Variants in PLXNA2 observed in about 807,000 individuals in gnomAD.
The protein encoded by PLXNA2 is plexin-A2.
PLXNA2 carries 91 observed loss-of-function variants against 193.5 expected under a neutral mutation model. That is an observed-to-expected ratio of 0.47 (90% CI 0.40 to 0.56). The LOEUF (loss-of-function observed/expected upper bound fraction) is 0.56. Among genes scored for constraint, PLXNA2 ranks in the 20% least tolerant of loss-of-function variants. The pLI is 0.00. For synonymous variants in PLXNA2, 997 were observed against 1,027.3 expected (o/e 0.97, Z 0.56); for missense variants, 1,995 against 2,503.2 (o/e 0.80, Z 4.33).
chr1:208,194,198 C>A (rs1204196898), intron 3 of PLXNA2, among the ~76,000 whole-genome samples: 4 of 151,828 alleles, frequency 2.6e-5, no homozygotes, highest in Non-Finnish European at 1.5e-5. Context: ...CTGTCTGCTA[C>A]TAGATGCAAA....
intron 26 of PLXNA2, among the ~76,000 whole-genome samples, chr1:208,035,033 T>C (rs552809800): frequency 1.3e-3 from 194 of 152,342 alleles, no homozygotes; most frequent in Non-Finnish European, 2.2e-3. Flanking sequence ...TTTACCTTTT[T>C]AATGTGACTA....
intron 9 of PLXNA2, among the ~76,000 whole-genome samples, chr1:208,090,732 C>A (rs1666679523): frequency 6.6e-6 from 1 of 152,184 alleles, no homozygotes; most frequent in South Asian, 2.1e-4. Context: ...TGTACTTCAT[C>A]CAATCTCTCT....
At chr1:208,149,965 G>C (rs1668710608) in intron 3 of PLXNA2, among the ~76,000 whole-genome samples, 1 of 152,166 alleles carries the variant, frequency 6.6e-6, no homozygotes, top group Admixed American at 6.5e-5. Context: ...AGCTTGCAGA[G>C]TCAAAACTCA....
chr1:208,086,867 T>C (rs1666541213), intron 9 of PLXNA2, among the ~76,000 whole-genome samples: 3 of 151,766 alleles, frequency 2.0e-5, no homozygotes, highest in Admixed American at 2.0e-4. Flanking sequence ...ACACTTCCTG[T>C]TAGCAGCTAA....
intron 26 of PLXNA2, among the ~76,000 whole-genome samples, chr1:208,036,373 C>T (rs185062300): frequency 2.0e-5 from 3 of 152,310 alleles, no homozygotes; most frequent in Admixed American, 6.5e-5. Context: ...CGCTCCTGTC[C>T]TTGGTTTTTC....
At position 208,038,565 on chromosome 1, in the gene PLXNA2, C is replaced by G; in HGVS notation, c.4661-91G>C. 9.6e-7 allele frequency: 1 copy of G among 1,036,826 alleles called. No homozygotes were observed. The highest frequency in any genetic ancestry group is 1.3e-5 in the South Asian group (1 of 76,948). 64.2% of individuals were successfully genotyped at this position (1,036,826 alleles called of 1,614,324 possible). On this transcript the variant is annotated intron_variant, in intron 25 of 31. Coordinates refer to ENST00000367033, the MANE Select transcript of PLXNA2 (RefSeq NM_025179.4). The surrounding 1 kb of genome is among the most constrained non-coding windows in gnomAD (Gnocchi z 4.1). ...GATTGCACCTTCTCTAGGGACCTGGCAACCCGGCCCCCTCAAGCTGGTACC... is the reference window on the plus strand; with the variant it reads ...GATTGCACCTTCTCTAGGGACCTGGGAACCCGGCCCCCTCAAGCTGGTACC...
At chr1:208,219,498 C>A (rs543099862) in intron 1 of PLXNA2, among the ~76,000 whole-genome samples, 1 of 152,264 alleles carries the variant, frequency 6.6e-6, no homozygotes, top group South Asian at 2.1e-4. Context: ...GAACTCTGGG[C>A]ACATAAGGTG....
intron 1 of PLXNA2, among the ~76,000 whole-genome samples, chr1:208,231,219 C>T (rs1158346398): frequency 6.6e-6 from 1 of 151,888 alleles, no homozygotes; most frequent in Non-Finnish European, 1.5e-5. Context: ...GAATGGCAGG[C>T]CGGGGAGGGA....
intron 29 of PLXNA2, chr1:208,029,482 C>T (rs1293131794): frequency 6.9e-6 from 7 of 1,010,460 alleles, no homozygotes; most frequent in South Asian, 4.1e-5. Flanking sequence ...AGCCTCGGAG[C>T]AGGCACAAAG....
intron 1 of PLXNA2, among the ~76,000 whole-genome samples, chr1:208,232,029 C>T (rs955104650): frequency 3.3e-5 from 5 of 152,196 alleles, no homozygotes; most frequent in African/African-American, 1.2e-4. Context: ...AATTCTTGGG[C>T]CCTGTGAATG....
intron 9 of PLXNA2, 60 bp downstream of exon 9, chr1:208,092,726 G>A (rs1256398946): frequency 2.5e-6 from 3 of 1,200,898 alleles, no homozygotes; most frequent in East Asian, 2.4e-5. Flanking sequence ...ACCATCTAAA[G>A]AGGGAGGGGC....
At chr1:208,193,008 C>A (rs2218481) in intron 3 of PLXNA2, among the ~76,000 whole-genome samples, 101,657 of 151,908 alleles carry the variant, frequency 0.67, 34,930 homozygotes, top group East Asian at 0.87. Flanking sequence ...AAAACTAAAT[C>A]TACAAATGTT....
rs200208975 is a variant in PLXNA2, at chr1:208,212,135, AAGC to A, written c.1189-1676_1189-1674del. On this transcript the variant is annotated intron_variant, in intron 2 of 31. Transcript: ENST00000367033. ...AAATGGCTATCGTAGAAATCATAGA[AAGC>A]AGCAGAACAGCCTGCCCCCATGCTC... is the stretch of plus-strand genomic sequence containing the variant. Among the ~76,000 whole-genome samples the A allele has an allele frequency of 1.5e-3, 230 of 152,292 alleles. 3 individuals carry two copies. The East Asian group carries it at 0.036, about 24-fold the overall frequency.
chr1:208,030,484 G>A (rs867108644), intron 29 of PLXNA2: 1 of 965,792 alleles, frequency 1.0e-6, no homozygotes, highest in Admixed American at 6.3e-5. Flanking sequence ...GCCTGTCCTG[G>A]CAAAGTGGAC....
At chr1:208,119,797 T>A (rs923430846) in intron 4 of PLXNA2, among the ~76,000 whole-genome samples, 9 of 152,180 alleles carry the variant, frequency 5.9e-5, no homozygotes, top group Non-Finnish European at 8.8e-5. Context: ...GTATTTTTAG[T>A]AGAGATGGGG....
chr1:208,135,019 C>T (rs1668261407), intron 4 of PLXNA2, among the ~76,000 whole-genome samples: 1 of 152,128 alleles, frequency 6.6e-6, no homozygotes, highest in South Asian at 2.1e-4. Context: ...GACAGGGCCT[C>T]CTCCAAATGG....
intron 28 of PLXNA2, among the ~76,000 whole-genome samples, chr1:208,032,603 G>C (rs1236659400): frequency 6.6e-6 from 1 of 152,208 alleles, no homozygotes; most frequent in East Asian, 1.9e-4. Context: ...ATCTAGCCCT[G>C]CGTGGAAAAC....
chr1:208,205,918 A>G (rs1343638300), intron 3 of PLXNA2, among the ~76,000 whole-genome samples: 1 of 152,130 alleles, frequency 6.6e-6, no homozygotes, highest in African/African-American at 2.4e-5. Context: ...AGATTGTAAA[A>G]CCAGGTAATC....
intron 7 of PLXNA2, 99 bp from the exon 8 acceptor site, chr1:208,096,224 G>A (rs1404563281): frequency 1.1e-6 from 1 of 873,932 alleles, no homozygotes; most frequent in East Asian, 2.4e-5. Flanking sequence ...CCACCACAGG[G>A]CTCTCTTAGG....
Sources: gnomAD v4.1 joint callset for allele counts (sites outside exome capture counted in the v4.1 genomes callset) on GRCh38, gnomAD v4.1.1 for gene constraint, Gnocchi (gnomAD v3.1) non-coding constraint, MANE v1.5 for transcripts, NCBI Gene and HGNC (gene_info 2026-07-23, HGNC 2026-07-21) for gene names.